The following SATB1 variants were observed in gnomAD, a reference collection of about 807,000 sequenced individuals.
The protein encoded by SATB1 is SATB homeobox 1.
SATB1 carries 11 observed loss-of-function variants against 86.9 expected under a neutral mutation model. The observed-to-expected ratio is 0.13, with a 90% CI of 0.08 to 0.21. SATB1 has a LOEUF of 0.21. Among genes scored for constraint, SATB1 ranks in the 10% least tolerant of loss-of-function variants. The probability of loss-of-function intolerance (pLI) is 1.00; values close to 1 mark genes in which losing one functional copy is unlikely to be tolerated. For missense variants in SATB1, 551 were observed against 937.6 expected (o/e 0.59, Z 5.39); for synonymous variants, 357 against 357.2 (o/e 1.00, Z 0.01).
rs200329116 is a variant in SATB1 at position 18,420,974 on chromosome 3, T to C, written c.-7A>G. ...CCTCGTTCAAATGATCCATACTCAG[T>C]CACTGTCTAAAGATCACCTGCCAGA... On this transcript the variant is annotated 5_prime_UTR_variant, in exon 2 of 11. Transcript: ENST00000338745. 5 of 1,613,750 alleles carry C rather than the reference T, an allele frequency of 3.1e-6. No individual in the cohort carries two copies. The East Asian group carries it at 1.1e-4, about 36-fold the overall frequency.
At chr3:18,362,881 A>AAAAAAAAAAAAAAAAAAAAAAAAAAAC (rs373536891) in intron 9 of SATB1, among the ~76,000 whole-genome samples, 2 of 108,184 alleles carry the variant, frequency 1.8e-5, no homozygotes, top group South Asian at 3.1e-4. Context: ...AAAAAAAAAA[A>AAAAAAAAAAAAAAAAAAAAAAAAAAAC]CCAAAACCCC....
chr3:18,380,258 T>C (rs1027097464), intron 8 of SATB1, among the ~76,000 whole-genome samples: 5 of 152,208 alleles, frequency 3.3e-5, no homozygotes, highest in Non-Finnish European at 7.3e-5. Context: ...AACAGATCCT[T>C]GGTAGCAATC....
chr3:18,385,543 A>T (rs760482033), intron 8 of SATB1, among the ~76,000 whole-genome samples: 33 of 152,132 alleles, frequency 2.2e-4, no homozygotes, highest in East Asian at 7.7e-4. Flanking sequence ...GAATGGCGTG[A>T]ACCCGGGAGG....
rs748676070 is a variant in SATB1, at chr3:18,416,883, C to T, written c.388+19G>A. 25 of 1,580,568 alleles carry T rather than the reference C, an allele frequency of 1.6e-5. No homozygotes were observed. The highest frequency in any genetic ancestry group is 2.1e-5 in the Non-Finnish European group (25 of 1,165,916). On this transcript the variant is annotated intron_variant, in intron 3 of 10. Coordinates refer to ENST00000338745, the MANE Select transcript of SATB1 (RefSeq NM_002971.6). The stretch of plus-strand genomic sequence containing the variant: ...AGAATGCTAAGCAATTTTTCCAACC[C>T]CACGTACACATTATTTACCTTTGGC...
Position 18,386,454 on chromosome 3 carries a change from G to A in SATB1, c.1364C>T (p.Ala455Val). 1 of 1,614,082 alleles carries A rather than the reference G, an allele frequency of 6.2e-7. No homozygotes were observed. Among genetic ancestry groups the A allele is most frequent in the Non-Finnish European group, 8.5e-7 (1 of 1,180,016 alleles). Reference sequence around the variant, plus strand: ...GAGGGGGGCAGGACCCATGGCCGAGGCAGCATTCAAGCTCCTTTCCCTTTC... The same window carrying A: ...GAGGGGGGCAGGACCCATGGCCGAGACAGCATTCAAGCTCCTTTCCCTTTC... ...QDERERSLNA[A>V]SAMGPAPLIS... The change falls in exon 8 of 11, where the codon GCC becomes GTC. Residue 455 changes from alanine to valine, a missense_variant. Ala to Val is a moderately conservative substitution (Grantham distance 64). Coordinates refer to ENST00000338745, the MANE Select transcript of SATB1 (RefSeq NM_002971.6). This position sits in a 1 kb window ranked among gnomAD's most constrained non-coding sequence, Gnocchi z 4.5.
At chr3:18,400,999 T>G (rs1460035572) in intron 5 of SATB1, among the ~76,000 whole-genome samples, 2 of 152,328 alleles carry the variant, frequency 1.3e-5, no homozygotes, top group African/African-American at 2.4e-5. Context: ...CTCCTCTGGC[T>G]TGGATGCACG....
At chr3:18,438,115 T>G (rs957983633) in intron 1 of SATB1, among the ~76,000 whole-genome samples, 103 of 152,252 alleles carry the variant, frequency 6.8e-4, no homozygotes, top group African/African-American at 2.3e-3. Flanking sequence ...AATAAAATAT[T>G]TATAACATAA....
chr3:18,392,572 C>T (rs199768049), intron 7 of SATB1, among the ~76,000 whole-genome samples: 1 of 101,772 alleles, frequency 9.8e-6, no homozygotes, highest in Non-Finnish European at 2.2e-5. Context: ...TATACACACA[C>T]ATACACACAC....
intron 7 of SATB1, among the ~76,000 whole-genome samples, chr3:18,389,004 A>T (rs1326550535): frequency 1.3e-5 from 2 of 152,100 alleles, no homozygotes; most frequent in African/African-American, 4.8e-5. Flanking sequence ...TTGAGATTGG[A>T]AGGTAGTTAT....
chr3:18,386,956 T>C lies in SATB1; in HGVS notation c.1207-345A>G, dbSNP rs1441009000. ...ATGCAACAGCACTGAACTGTATAGT[T>C]CCCAAGCTGCCTAGACAAAGGCAGT... is the stretch of plus-strand genomic sequence containing the variant. On this transcript the variant is annotated intron_variant, in intron 7 of 10. Transcript: ENST00000338745. This position sits in a 1 kb window ranked among gnomAD's most constrained non-coding sequence, Gnocchi z 4.5. 6.6e-6 allele frequency among the ~76,000 whole-genome samples: 1 copy of C among 152,142 alleles called. No homozygotes were observed.
intron 2 of SATB1, among the ~76,000 whole-genome samples, chr3:18,419,305 G>A (rs1698272756): frequency 6.6e-6 from 1 of 152,130 alleles, no homozygotes; most frequent in African/African-American, 2.4e-5. Context: ...TCCAACTACA[G>A]CAACTTCATA....
At chr3:18,436,713 TA>T (rs1309445825) in intron 2 of SATB1, 1 of 152,234 alleles carries the variant, frequency 6.6e-6, no homozygotes, top group African/African-American at 2.4e-5. Flanking sequence ...CACAGAATGC[TA>T]ACTATGAACT....
At position 18,394,792 on chromosome 3, in the gene SATB1, G is replaced by A; in HGVS notation, c.876C>T (p.Ser292=). 1 of 1,614,120 alleles carries A rather than the reference G, an allele frequency of 6.2e-7. No homozygotes were observed. The highest frequency in any genetic ancestry group is 8.5e-7 in the Non-Finnish European group (1 of 1,180,002). ...GAAGAGGTGTCCGGACAGAGGGCTGGCTGCCATGGGAGAGCTGCGCAGGGG... is the reference window on the plus strand; with the variant it reads ...GAAGAGGTGTCCGGACAGAGGGCTGACTGCCATGGGAGAGCTGCGCAGGGG... The part of the protein sequence containing the change: ...PPSPAQLSHG[S]QPSVRTPLPN... Residue 292 remains serine, a synonymous_variant, in exon 7 of 11, where the codon AGC becomes AGT. Transcript: ENST00000338745. The surrounding 1 kb of genome is among the most constrained non-coding windows in gnomAD (Gnocchi z 5.9).
rs547473226 is a variant in SATB1, at chr3:18,373,730, T to C, written c.1575+4440A>G. ...TCTCTCATCCTAGGGGCCATGAATC[T>C]CAATGACAAACAAAAGTGACTGAAA... On this transcript the variant is annotated intron_variant, in intron 9 of 10. Coordinates refer to ENST00000338745, the MANE Select transcript of SATB1 (RefSeq NM_002971.6). Among the ~76,000 whole-genome samples, 3 of 152,270 alleles carry C rather than the reference T, an allele frequency of 2.0e-5. No homozygotes were observed. In the South Asian group the frequency reaches 6.2e-4, roughly 32 times the overall value.
In SATB1 at chr3:18,386,749, A is replaced by G; in HGVS notation, c.1207-138T>C. 1.6e-6 allele frequency: 1 copy of G among 643,002 alleles called. No individual in the cohort carries two copies. Among genetic ancestry groups the G allele is most frequent in the African/African-American group, 1.8e-5 (1 of 54,822 alleles). The allele number at this position is 643,002 out of a possible 1,614,324, so 39.8% of individuals were successfully genotyped here. On this transcript the variant is annotated intron_variant, in intron 7 of 10. Transcript: ENST00000338745. The surrounding 1 kb of genome is among the most constrained non-coding windows in gnomAD (Gnocchi z 4.5). ...AATTCTGCATAGGAATATATTAGTT[A>G]CAACTGAAGTGGTAGAGAAGAGAGC...
At chr3:18,412,161 C>A (rs542325300) in intron 5 of SATB1, among the ~76,000 whole-genome samples, 49 of 152,154 alleles carry the variant, frequency 3.2e-4, no homozygotes, top group African/African-American at 1.1e-3. Context: ...CAAGTCAGGA[C>A]TTTCTTGTTA....
chr3:18,386,507 T>G lies in SATB1; in HGVS notation c.1311A>C (p.Glu437Asp), dbSNP rs1325131391. ...RAMQNFLQLP[E>D]AERDRIYQDE... ...CCTGGTATATTCGGTCTCTTTCAGC[T>G]TCCGGTAACTGCAAGAAATTCTGCA... Residue 437 changes from glutamate to aspartate, a missense_variant, in exon 8 of 11, where the codon GAA (glutamate) becomes GAC (aspartate). Coordinates refer to ENST00000338745, the MANE Select transcript of SATB1 (RefSeq NM_002971.6). This position sits in a 1 kb window ranked among gnomAD's most constrained non-coding sequence, Gnocchi z 4.5. The G allele has an allele frequency of 6.2e-7, 1 of 1,614,128 alleles. No homozygotes were observed. The highest frequency in any genetic ancestry group is 8.5e-7 in the Non-Finnish European group (1 of 1,180,014).
In SATB1 at chr3:18,349,742, T is replaced by C; in HGVS notation, c.1780-60A>G. 2 of 1,521,732 alleles carry C rather than the reference T, an allele frequency of 1.3e-6. No individual in the cohort carries two copies. Among genetic ancestry groups the C allele is most frequent in the Non-Finnish European group, 1.8e-6 (2 of 1,135,430 alleles). The allele number at this position is 1,521,732 out of a possible 1,614,324, so 94.3% of individuals were successfully genotyped here. On this transcript the variant is annotated intron_variant, in intron 10 of 10. Coordinates refer to ENST00000338745, the MANE Select transcript of SATB1 (RefSeq NM_002971.6). This position sits in a 1 kb window ranked among gnomAD's most constrained non-coding sequence, Gnocchi z 5.5. ...TATCGTGGAGTTCCACACAAAGCCG[T>C]CTCCAATCAGGAAAAATGTGGTCCC...
intron 4 of SATB1, 91 bp downstream of exon 4, chr3:18,415,916 A>G: frequency 7.7e-7 from 1 of 1,298,200 alleles, no homozygotes; most frequent in South Asian, 1.6e-5. Context: ...ACAGACTAAA[A>G]AAAAATTGAA....
Sources: allele counts gnomAD v4.1 joint callset (sites outside exome capture counted in the v4.1 genomes callset), GRCh38; gene constraint gnomAD v4.1.1; non-coding constraint Gnocchi (gnomAD v3.1); transcripts MANE v1.5; gene names NCBI Gene and HGNC (gene_info 2026-07-23, HGNC 2026-07-21).